NME7: variants seen among roughly 807,000 people sequenced by gnomAD.
NME7 encodes NME/NM23 family member 7.
In NME7, 41 loss-of-function variants were observed where a neutral mutation model predicts 49.1. The observed-to-expected ratio is 0.83, with a 90% CI of 0.65 to 1.08. The LOEUF is 1.08. Ranked by LOEUF, NME7 falls within the 50% of genes least tolerant of loss-of-function variation. The pLI is 0.00. For missense variants in NME7, 423 were observed against 463.4 expected (o/e 0.91, Z 0.80); for synonymous variants, 139 against 150.6 (o/e 0.92, Z 0.56).
chr1:169,230,122 T>C (rs1434313575), intron 10 of NME7, among the ~76,000 whole-genome samples: 1 of 152,192 alleles, frequency 6.6e-6, no homozygotes, highest in East Asian at 1.9e-4. Context: ...CCCATAATCC[T>C]ATCAAGTTTC....
intron 11 of NME7, among the ~76,000 whole-genome samples, chr1:169,145,306 T>C (rs1658716778): frequency 6.6e-6 from 1 of 152,224 alleles, no homozygotes; most frequent in South Asian, 2.1e-4. Flanking sequence ...ATTAGAAGAA[T>C]TACCATTCAT....
chr1:169,137,580 G>C (rs147588327), intron 11 of NME7, among the ~76,000 whole-genome samples: 2 of 152,212 alleles, frequency 1.3e-5, no homozygotes, highest in Non-Finnish European at 2.9e-5. Context: ...GTGAGGAGGG[G>C]AGGGCTTATG....
intron 11 of NME7, among the ~76,000 whole-genome samples, chr1:169,144,272 C>T (rs954557678): frequency 2.6e-5 from 4 of 152,054 alleles, no homozygotes; most frequent in Admixed American, 6.6e-5. Context: ...TACATAATAT[C>T]CCTCAAATGA....
chr1:169,138,858 T>C (rs1424864917), intron 11 of NME7, among the ~76,000 whole-genome samples: 1 of 152,184 alleles, frequency 6.6e-6, no homozygotes, highest in African/African-American at 2.4e-5. Context: ...CAGAGTAGAG[T>C]GGTGCTGACT....
At chr1:169,363,537 T>C (rs1653739014) in intron 1 of NME7, among the ~76,000 whole-genome samples, 1 of 152,194 alleles carries the variant, frequency 6.6e-6, no homozygotes, top group South Asian at 2.1e-4. Context: ...CTGCTGTACG[T>C]ATACGTGTGG....
chr1:169,348,023 G>A (rs1653007329), intron 1 of NME7, among the ~76,000 whole-genome samples: 1 of 152,150 alleles, frequency 6.6e-6, no homozygotes, highest in African/African-American at 2.4e-5. Flanking sequence ...TACTGATTCT[G>A]ATAGCATTTT....
intron 10 of NME7, among the ~76,000 whole-genome samples, chr1:169,216,845 T>C (rs1660985343): frequency 6.6e-6 from 1 of 152,218 alleles, no homozygotes; most frequent in African/African-American, 2.4e-5. Flanking sequence ...ACACACTTCT[T>C]GGTGACCAAA....
At chr1:169,217,700 A>T (rs1457774080) in intron 10 of NME7, among the ~76,000 whole-genome samples, 1 of 152,196 alleles carries the variant, frequency 6.6e-6, no homozygotes, top group Non-Finnish European at 1.5e-5. Flanking sequence ...AAAACGTCAA[A>T]GAAAGGAAAA....
intron 9 of NME7, among the ~76,000 whole-genome samples, chr1:169,233,443 C>T (rs35458577): frequency 0.24 from 37,075 of 151,866 alleles, 5,447 homozygotes; most frequent in Non-Finnish European, 0.34. Flanking sequence ...CTGAGTGAGA[C>T]TACGGGAAAG....
intron 11 of NME7, among the ~76,000 whole-genome samples, chr1:169,145,750 A>G (rs1297106786): frequency 6.6e-6 from 1 of 152,216 alleles, no homozygotes; most frequent in Non-Finnish European, 1.5e-5. Context: ...GTTGACCCGA[A>G]TTTAAAAACA....
At chr1:169,286,365 C>T (rs935979291) in intron 7 of NME7, 3 of 151,980 alleles carry the variant, frequency 2.0e-5, no homozygotes, top group Non-Finnish European at 4.4e-5. Context: ...ATTTTAAAAT[C>T]CAATCACTTC....
chr1:169,364,184 T>C (rs1034017330), intron 1 of NME7, among the ~76,000 whole-genome samples: 4 of 152,220 alleles, frequency 2.6e-5, no homozygotes, highest in African/African-American at 9.7e-5. Flanking sequence ...ATCTAGGCAA[T>C]ACTGTGAACA....
chr1:169,323,623 A>C lies in NME7; in HGVS notation c.112-340T>G, dbSNP rs139588126. On this transcript the variant is annotated intron_variant, in intron 2 of 11. Coordinates refer to ENST00000367811, the MANE Select transcript of NME7 (RefSeq NM_013330.5). ...AAATTTCTGCTTTCTTGTGTACACA[A>C]AATCCCAATACCAAAAAGATCTACT... 3.6e-3 allele frequency among the ~76,000 whole-genome samples: 552 copies of C among 152,280 alleles called. 4 individuals carry two copies. Among genetic ancestry groups the C allele is most frequent in the African/African-American group, 0.012 (516 of 41,564 alleles).
chr1:169,244,067 A>G (rs1217793981), intron 7 of NME7, among the ~76,000 whole-genome samples: 1 of 152,118 alleles, frequency 6.6e-6, no homozygotes, highest in Non-Finnish European at 1.5e-5. Context: ...ATATGTGTAT[A>G]TATGTGTATA....
chr1:169,278,809 G>A (rs978158098), intron 7 of NME7, among the ~76,000 whole-genome samples: 1 of 152,120 alleles, frequency 6.6e-6, no homozygotes, highest in Non-Finnish European at 1.5e-5. Context: ...CCCCATCTTT[G>A]TGGTTTTATC....
intron 4 of NME7, among the ~76,000 whole-genome samples, chr1:169,308,650 GT>G (rs142059244): frequency 6.6e-6 from 1 of 151,540 alleles, no homozygotes; most frequent in East Asian, 1.9e-4. Flanking sequence ...AAAATCACTA[GT>G]TTTTTTTCTA....
intron 10 of NME7, among the ~76,000 whole-genome samples, chr1:169,192,017 T>G (rs1169977742): frequency 6.6e-6 from 1 of 152,180 alleles, no homozygotes; most frequent in Non-Finnish European, 1.5e-5. Flanking sequence ...GTGTTTTCTA[T>G]GCACAGTACA....
At chr1:169,177,755 A>C (rs1436078466) in intron 10 of NME7, among the ~76,000 whole-genome samples, 1 of 152,124 alleles carries the variant, frequency 6.6e-6, no homozygotes, top group Non-Finnish European at 1.5e-5. Context: ...AACCCCTTCC[A>C]ACTTTTCAAA....
At chr1:169,254,296 G>A (rs1351154261) in intron 7 of NME7, among the ~76,000 whole-genome samples, 1 of 152,072 alleles carries the variant, frequency 6.6e-6, no homozygotes, top group Non-Finnish European at 1.5e-5. Flanking sequence ...TCTTGGGAGA[G>A]TGTATGTGTC....
Sources: gnomAD v4.1 joint callset for allele counts (sites outside exome capture counted in the v4.1 genomes callset) on GRCh38, gnomAD v4.1.1 for gene constraint, MANE v1.5 for transcripts, NCBI Gene and HGNC (gene_info 2026-07-23, HGNC 2026-07-21) for gene names.